The following PASD1 variants were observed in gnomAD, a reference collection of about 807,000 sequenced individuals.
The protein encoded by PASD1 is PAS domain containing repressor 1.
In PASD1, 13 loss-of-function variants were observed where a neutral mutation model predicts 58.8. The ratio of observed to expected loss-of-function variants is 0.22; its 90% confidence interval spans 0.14 to 0.35. PASD1 has a LOEUF of 0.35. Ranked by LOEUF, PASD1 falls within the 10% of genes least tolerant of loss-of-function variation. PASD1 has a pLI of 1.00. For missense variants in PASD1, 734 were observed against 568.3 expected (o/e 1.29, Z -2.96); for synonymous variants, 236 against 216.7 (o/e 1.09, Z -0.78).
At chrX:151,670,773 A>G (rs1318910360) in intron 11 of PASD1, among the ~76,000 whole-genome samples, 2 of 112,116 alleles carry the variant, frequency 1.8e-5, no homozygotes, top group Non-Finnish European at 3.8e-5. Flanking sequence ...GACTTTGGGC[A>G]TGTTGCTTCA....
chrX:151,574,957 G>A (rs2012981397), intron 1 of PASD1, among the ~76,000 whole-genome samples: 1 of 111,767 alleles, frequency 8.9e-6, no homozygotes, highest in African/African-American at 3.2e-5. Context: ...CAGCCATCAC[G>A]CACTTTTGTA....
chrX:151,665,684 G>A (rs752477351), intron 11 of PASD1, among the ~76,000 whole-genome samples: 1 of 111,572 alleles, frequency 9.0e-6, no homozygotes, highest in Admixed American at 9.6e-5. Context: ...AGACGGATTA[G>A]GTCACCTCTC....
Position 151,575,674 on chromosome X carries a change from G to GTC in PASD1, c.-28+11849_-28+11850dup, listed in dbSNP as rs111471708. Among the ~76,000 whole-genome samples the GTC allele has an allele frequency of 5.8e-3, 619 of 107,073 alleles. 4 individuals are homozygous for GTC. Among genetic ancestry groups the GTC allele is most frequent in the African/African-American group, 0.02 (582 of 29,507 alleles). 93.0% of individuals were successfully genotyped at this position (107,073 alleles called of 115,157 possible). On this transcript the variant is annotated intron_variant, in intron 1 of 15. Transcript: ENST00000370357. The stretch of plus-strand genomic sequence containing the variant: ...TTTTTTTTTTCTTTTTTGAGACGAG[G>GTC]TCTCTCTCTCTCTCTGTCACCCAGG...
At chrX:151,611,560 G>T in intron 3 of PASD1, 104 bp from the exon 4 acceptor site, 1 of 506,734 alleles carries the variant, frequency 2.0e-6, no homozygotes, top group Non-Finnish European at 3.2e-6. Flanking sequence ...AAGGACTGGG[G>T]TGCATTTCAG....
At chrX:151,613,558 G>T (rs2013596169) in intron 4 of PASD1, among the ~76,000 whole-genome samples, 1 of 110,006 alleles carries the variant, frequency 9.1e-6, no homozygotes, top group Non-Finnish European at 1.9e-5. Flanking sequence ...GGATTCCTAG[G>T]TATTTTATTC....
chrX:151,567,382 A>G (rs1288702287), intron 1 of PASD1, among the ~76,000 whole-genome samples: 1 of 111,971 alleles, frequency 8.9e-6, no homozygotes, highest in Non-Finnish European at 1.9e-5. Flanking sequence ...CTGGTGAAGC[A>G]TCTAGGAAGC....
intron 7 of PASD1, among the ~76,000 whole-genome samples, chrX:151,624,424 C>A (rs1205491383): frequency 1.8e-5 from 2 of 111,491 alleles, no homozygotes; most frequent in Admixed American, 9.5e-5. Context: ...ATCTCCAACT[C>A]ATTACCTTAT....
At chrX:151,673,699 A>G in intron 14 of PASD1, 1 of 441,793 alleles carries the variant, frequency 2.3e-6, no homozygotes, top group Non-Finnish European at 3.9e-6. Flanking sequence ...CAAGTAATAT[A>G]AATAAAACCA....
At chrX:151,611,880 CATATGGAT>C in intron 4 of PASD1, 127 bp downstream of exon 4, 1 of 431,708 alleles carries the variant, frequency 2.3e-6, no homozygotes, top group Non-Finnish European at 3.9e-6. Flanking sequence ...AGGTTTGTTT[CATATGGAT>C]ACATGTGCCA....
intron 1 of PASD1, among the ~76,000 whole-genome samples, chrX:151,569,692 T>A (rs2012899482): frequency 9.0e-6 from 1 of 110,739 alleles, no homozygotes; most frequent in Non-Finnish European, 1.9e-5. Flanking sequence ...TTCACGTTAA[T>A]GGGCAAGTGT....
chrX:151,673,882 A>G (rs1288979027), intron 14 of PASD1, 46 bp from the exon 15 acceptor site: 11 of 1,202,008 alleles, frequency 9.2e-6, no homozygotes, highest in African/African-American at 1.7e-5. Context: ...CTCATCAGTT[A>G]TCATGTCCAG....
chrX:151,643,945 C>T (rs7880403), intron 8 of PASD1, among the ~76,000 whole-genome samples: 5,245 of 111,752 alleles, frequency 0.047, 95 homozygotes, highest in Middle Eastern at 0.083. Context: ...AGTGTCTTTT[C>T]TGTCAGTCAG....
intron 8 of PASD1, among the ~76,000 whole-genome samples, chrX:151,638,514 A>G (rs2013959865): frequency 9.0e-6 from 1 of 110,966 alleles, no homozygotes; most frequent in Non-Finnish European, 1.9e-5. Context: ...GGTTCAGAGT[A>G]TTTTAAACAC....
intron 9 of PASD1, among the ~76,000 whole-genome samples, chrX:151,658,361 C>A (rs2014272466): frequency 8.9e-6 from 1 of 112,516 alleles, no homozygotes; most frequent in African/African-American, 3.2e-5. Flanking sequence ...ACCATTACTG[C>A]ACATGATGCT....
chrX:151,591,404 A>G (rs1387404025), intron 1 of PASD1, among the ~76,000 whole-genome samples: 1 of 111,808 alleles, frequency 8.9e-6, no homozygotes, highest in African/African-American at 3.3e-5. Flanking sequence ...AACCTCTTAG[A>G]AGAAATGTTT....
At chrX:151,623,906 G>A (rs955850108) in intron 7 of PASD1, among the ~76,000 whole-genome samples, 3 of 111,733 alleles carry the variant, frequency 2.7e-5, no homozygotes, top group African/African-American at 9.8e-5. Flanking sequence ...TAAGGTGAAA[G>A]GGGGAAGGAG....
chrX:151,590,352 T>A (rs1280214029), intron 1 of PASD1, among the ~76,000 whole-genome samples: 4 of 111,615 alleles, frequency 3.6e-5, no homozygotes, highest in Non-Finnish European at 7.5e-5. Flanking sequence ...AGTCTTTATT[T>A]TAAACTCTTT....
chrX:151,627,327 G>A (rs1000069132), intron 8 of PASD1, among the ~76,000 whole-genome samples: 2 of 109,807 alleles, frequency 1.8e-5, no homozygotes, highest in African/African-American at 6.6e-5. Flanking sequence ...TTAACATTAG[G>A]TATATCTCCT....
intron 1 of PASD1, among the ~76,000 whole-genome samples, chrX:151,577,681 C>T (rs747053647): frequency 3.6e-5 from 4 of 111,534 alleles, no homozygotes; most frequent in African/African-American, 6.5e-5. Flanking sequence ...TCCGCCACCA[C>T]GCCCAGCAAA....
Sources: allele counts gnomAD v4.1 joint callset (sites outside exome capture counted in the v4.1 genomes callset), GRCh38; gene constraint gnomAD v4.1.1; transcripts MANE v1.5; gene names NCBI Gene and HGNC (gene_info 2026-07-23, HGNC 2026-07-21).